IMMP2L: variants seen among roughly 807,000 people sequenced by gnomAD.
The protein encoded by IMMP2L is mitochondrial inner membrane protease subunit 2.
In IMMP2L, 18 loss-of-function variants were observed where a neutral mutation model predicts 19.3. That is an observed-to-expected ratio of 0.93 (90% CI 0.64 to 1.38). The LOEUF (loss-of-function observed/expected upper bound fraction) is 1.38. Among genes scored for constraint, IMMP2L ranks in the 40% most tolerant of loss-of-function variants. The probability of loss-of-function intolerance (pLI) is 0.00; values close to 1 mark genes in which losing one functional copy is unlikely to be tolerated. For missense variants in IMMP2L, 233 were observed against 218.2 expected (o/e 1.07, Z -0.43); for synonymous variants, 76 against 73.0 (o/e 1.04, Z -0.21).
At chr7:111,068,652 T>G (rs1794706640) in intron 3 of IMMP2L, among the ~76,000 whole-genome samples, 1 of 152,174 alleles carries the variant, frequency 6.6e-6, no homozygotes, top group Admixed American at 6.5e-5. Flanking sequence ...TTATTTATAA[T>G]AGCACAAGTA....
chr7:111,033,393 A>G (rs527316155), intron 3 of IMMP2L, among the ~76,000 whole-genome samples: 1 of 148,678 alleles, frequency 6.7e-6, no homozygotes, highest in East Asian at 1.9e-4. Context: ...TGGCACAGCC[A>G]CTTTGAAAGA....
chr7:111,031,543 T>G (rs893306265), intron 3 of IMMP2L, among the ~76,000 whole-genome samples: 4 of 151,712 alleles, frequency 2.6e-5, no homozygotes, highest in Non-Finnish European at 4.4e-5. Flanking sequence ...TAACAAAAAG[T>G]GTAAAATAAA....
intron 5 of IMMP2L, among the ~76,000 whole-genome samples, chr7:110,867,056 A>G (rs1347462468): frequency 6.6e-6 from 1 of 151,982 alleles, no homozygotes; most frequent in Non-Finnish European, 1.5e-5. Flanking sequence ...ACTTATCCAT[A>G]TAATTATCAC....
intron 3 of IMMP2L, among the ~76,000 whole-genome samples, chr7:111,071,676 G>A (rs949971051): frequency 6.6e-5 from 10 of 151,924 alleles, no homozygotes; most frequent in African/African-American, 2.4e-4. Flanking sequence ...TTCTAGAATA[G>A]GTAAATTCAC....
intron 5 of IMMP2L, among the ~76,000 whole-genome samples, chr7:110,798,582 C>T (rs1222401150): frequency 6.6e-6 from 1 of 151,948 alleles, no homozygotes; most frequent in South Asian, 2.1e-4. Context: ...TCTAGAAAAA[C>T]GTTATACCAA....
At chr7:110,947,545 CT>C (rs1474387848) in intron 4 of IMMP2L, among the ~76,000 whole-genome samples, 2 of 152,248 alleles carry the variant, frequency 1.3e-5, no homozygotes, top group South Asian at 4.2e-4. Flanking sequence ...GTTCATTGGT[CT>C]CCTCAAAAGC....
chr7:110,933,706 G>A (rs965584012), intron 4 of IMMP2L, among the ~76,000 whole-genome samples: 1 of 152,072 alleles, frequency 6.6e-6, no homozygotes, highest in African/African-American at 2.4e-5. Context: ...ATGCCTGTGG[G>A]CTCTAACTTT....
intron 3 of IMMP2L, among the ~76,000 whole-genome samples, chr7:111,301,011 G>T (rs1296456679): frequency 1.3e-5 from 2 of 152,050 alleles, no homozygotes; most frequent in Non-Finnish European, 1.5e-5. Flanking sequence ...ATAGGAAACT[G>T]CCACACTGTT....
chr7:111,330,145 A>G (rs1411437402), intron 3 of IMMP2L, among the ~76,000 whole-genome samples: 1 of 151,842 alleles, frequency 6.6e-6, no homozygotes, highest in Non-Finnish European at 1.5e-5. Context: ...TAAAACACCA[A>G]TTGATTGAAC....
At chr7:111,107,840 A>C (rs1798721100) in intron 3 of IMMP2L, among the ~76,000 whole-genome samples, 1 of 152,232 alleles carries the variant, frequency 6.6e-6, no homozygotes, top group South Asian at 2.1e-4. Flanking sequence ...CCAATTCTGC[A>C]GATAATATTA....
At chr7:111,229,494 GGAATGT>G (rs1223010477) in intron 3 of IMMP2L, among the ~76,000 whole-genome samples, 1 of 151,952 alleles carries the variant, frequency 6.6e-6, no homozygotes, top group East Asian at 1.9e-4. Context: ...AAAGTACTGT[GGAATGT>G]GCTAAAGTGG....
chr7:110,969,029 A>C (rs1461071189), intron 3 of IMMP2L, among the ~76,000 whole-genome samples: 1 of 152,150 alleles, frequency 6.6e-6, no homozygotes, highest in Non-Finnish European at 1.5e-5. Context: ...GAACAAGAAA[A>C]GCATTGTAAA....
rs1165806962 is a variant in IMMP2L at position 110,727,772 on chromosome 7, T to A, written c.409-64051A>T. ...TAGAGAGTATTATTATCTAAGAGAG[T>A]CTGGGAAAGTCATGGGACTTACCTG... On this transcript the variant is annotated intron_variant, in intron 5 of 5. Coordinates refer to ENST00000405709, the MANE Select transcript of IMMP2L (RefSeq NM_032549.4). This position sits in a 1 kb window ranked among gnomAD's most constrained non-coding sequence, Gnocchi z 4.3. 6.6e-6 allele frequency among the ~76,000 whole-genome samples: 1 copy of A among 152,160 alleles called. No individual in the cohort carries two copies. Among genetic ancestry groups the A allele is most frequent in the African/African-American group, 2.4e-5 (1 of 41,432 alleles).
chr7:110,689,351 T>A (rs1793337742), intron 5 of IMMP2L, among the ~76,000 whole-genome samples: 1 of 151,460 alleles, frequency 6.6e-6, no homozygotes, highest in South Asian at 2.1e-4. Flanking sequence ...TTTTTCCATC[T>A]ATTTTCCATT....
chr7:110,882,329 C>CTTCCT (rs72016667), intron 5 of IMMP2L, among the ~76,000 whole-genome samples: 9,646 of 127,648 alleles, frequency 0.076, 490 homozygotes, highest in East Asian at 0.14. Context: ...TCCTTCCTTC[C>CTTCCT]TTCCTTCCTT....
intron 5 of IMMP2L, among the ~76,000 whole-genome samples, chr7:110,687,233 A>C (rs2130505018): frequency 6.6e-6 from 1 of 152,100 alleles, no homozygotes; most frequent in East Asian, 1.9e-4. Context: ...CCATCTCTCA[A>C]CATCCAGGAA....
intron 3 of IMMP2L, among the ~76,000 whole-genome samples, chr7:111,092,154 C>T (rs1255235568): frequency 6.6e-6 from 1 of 152,206 alleles, no homozygotes; most frequent in Non-Finnish European, 1.5e-5. Context: ...GGGTAAATGA[C>T]TTCCCTTTAA....
chr7:110,779,968 A>C (rs1321629566), intron 5 of IMMP2L, among the ~76,000 whole-genome samples: 1 of 151,892 alleles, frequency 6.6e-6, no homozygotes, highest in Non-Finnish European at 1.5e-5. Context: ...AAATAAATGA[A>C]ATAACCATTG....
intron 3 of IMMP2L, among the ~76,000 whole-genome samples, chr7:111,310,895 A>C (rs1823441686): frequency 1.3e-5 from 2 of 152,206 alleles, no homozygotes; most frequent in African/African-American, 4.8e-5. Context: ...AACCTGATTA[A>C]ATTTAAAACA....
Sources: allele counts gnomAD v4.1 joint callset (sites outside exome capture counted in the v4.1 genomes callset), GRCh38; gene constraint gnomAD v4.1.1; non-coding constraint Gnocchi (gnomAD v3.1); transcripts MANE v1.5; gene names NCBI Gene and HGNC (gene_info 2026-07-23, HGNC 2026-07-21).